Variants in TET3 observed in about 807,000 individuals in gnomAD.
The protein encoded by TET3 is methylcytosine dioxygenase TET3.
Under a neutral mutation model 141.4 loss-of-function variants are expected in TET3, and 19 were observed. The observed-to-expected ratio is 0.13, with a 90% CI of 0.09 to 0.20. TET3 has a LOEUF of 0.20. TET3 is among the 10% of genes least tolerant of loss of function. TET3 has a pLI of 1.00. For synonymous variants in TET3, 1,043 were observed against 980.9 expected, an observed-to-expected ratio of 1.06 and a Z score of -1.18; for missense variants, 1,874 against 2,356.9, an observed-to-expected ratio of 0.80 and a Z score of 4.24.
At chr2:74,036,879 G>C (rs1246618388) in intron 3 of TET3, among the ~76,000 whole-genome samples, 1 of 152,066 alleles carries the variant, frequency 6.6e-6, no homozygotes, top group Non-Finnish European at 1.5e-5. Context: ...GCCCATTTCA[G>C]CTTTTTTCTA....
At chr2:74,122,502 TA>T in the TET3 span, 1 of 81,876 alleles carries the variant, frequency 1.2e-5, no homozygotes, top group East Asian at 5.3e-4. Context: ...TATATATATA[TA>T]TATATATATT....
intron 6 of TET3, among the ~76,000 whole-genome samples, chr2:74,084,567 C>T (rs1018921596): frequency 3.9e-5 from 6 of 152,246 alleles, no homozygotes; most frequent in African/African-American, 1.4e-4. Context: ...ATTCTCCTGC[C>T]TCAGCCTCCC....
At chr2:74,084,594 A>G (rs964330753) in intron 6 of TET3, among the ~76,000 whole-genome samples, 1 of 152,074 alleles carries the variant, frequency 6.6e-6, no homozygotes, top group African/African-American at 2.4e-5. Context: ...CTGAGACTAC[A>G]GGTGCCCACC....
intron 4 of TET3, among the ~76,000 whole-genome samples, chr2:74,064,539 A>G (rs1688771195): frequency 6.6e-6 from 1 of 152,086 alleles, no homozygotes; most frequent in Non-Finnish European, 1.5e-5. Context: ...AGCTGGGACT[A>G]CAGGCGTGCG....
Position 74,092,634 on chromosome 2 carries a change from C to T in TET3, c.3040-268C>T, listed in dbSNP as rs538365170. Among the ~76,000 whole-genome samples, 12 of 152,242 alleles carry T rather than the reference C, an allele frequency of 7.9e-5. No homozygotes were observed. The South Asian group carries it at 2.1e-3, about 26-fold the overall frequency. ...TTGATATGTTCTGGGCTGAACTGGG[C>T]GGGAGCCTGAAGGAGCAGTAGTTTA... On this transcript the variant is annotated intron_variant, in intron 8 of 11. Coordinates refer to ENST00000409262, the MANE Select transcript of TET3 (RefSeq NM_001287491.2).
chr2:74,132,819 C>G, the TET3 span, among the ~76,000 whole-genome samples: 1 of 152,138 alleles, frequency 6.6e-6, no homozygotes, highest in East Asian at 1.9e-4. Context: ...AAGGGGAGAC[C>G]CAGTGGCACT....
intron 5 of TET3, among the ~76,000 whole-genome samples, chr2:74,077,019 C>T (rs191557183): frequency 9.3e-4 from 141 of 152,328 alleles, no homozygotes; most frequent in African/African-American, 2.7e-3. Context: ...TTGTCAAACT[C>T]GTATCTGAGA....
At chr2:74,004,585 C>T (rs957578148) in intron 3 of TET3, among the ~76,000 whole-genome samples, 1 of 152,128 alleles carries the variant, frequency 6.6e-6, no homozygotes, top group Admixed American at 6.5e-5. Context: ...GGAGAAGAGC[C>T]AGGGGGCATC....
intron 4 of TET3, among the ~76,000 whole-genome samples, chr2:74,053,397 CTT>C (rs1688053449): frequency 6.6e-6 from 1 of 152,172 alleles, no homozygotes; most frequent in African/African-American, 2.4e-5. Context: ...ATGCAAATGA[CTT>C]TTTAGTGGGA....
chr2:74,002,177 G>T (rs1684882483), intron 2 of TET3, among the ~76,000 whole-genome samples: 2 of 152,144 alleles, frequency 1.3e-5, no homozygotes, highest in African/African-American at 4.8e-5. Context: ...CATCACCTTG[G>T]GTAAGTTGTT....
chr2:74,045,024 A>T (rs1170561503), intron 3 of TET3, among the ~76,000 whole-genome samples: 1 of 152,238 alleles, frequency 6.6e-6, no homozygotes, highest in Admixed American at 6.5e-5. Flanking sequence ...TCTTCAAAAA[A>T]TTTCAAAGTC....
chr2:74,078,267 C>G (rs1163392965), intron 5 of TET3, among the ~76,000 whole-genome samples: 1 of 152,024 alleles, frequency 6.6e-6, no homozygotes, highest in Non-Finnish European at 1.5e-5. Flanking sequence ...CTTTAAAAGT[C>G]TAAAGAACGA....
At chr2:74,078,571 C>T (rs1157292722) in intron 5 of TET3, among the ~76,000 whole-genome samples, 2 of 152,066 alleles carry the variant, frequency 1.3e-5, no homozygotes, top group Non-Finnish European at 2.9e-5. Context: ...TCATGTTAGA[C>T]ATATAAGTTG....
intron 3 of TET3, among the ~76,000 whole-genome samples, chr2:74,028,157 T>TAAAA (rs1232162119): frequency 6.7e-6 from 1 of 150,176 alleles, no homozygotes; most frequent in African/African-American, 2.5e-5. Flanking sequence ...TGCCTAATTT[T>TAAAA]AAAAAAAAAA....
At chr2:74,124,809 T>A in the TET3 span, among the ~76,000 whole-genome samples, 1 of 152,008 alleles carries the variant, frequency 6.6e-6, no homozygotes, top group Non-Finnish European at 1.5e-5. Flanking sequence ...GGGTCCTCTG[T>A]CTAGGAAAAC....
At position 74,047,324 on chromosome 2, in the gene TET3, C is replaced by T. The variant is rs778429567; in HGVS notation, c.1407C>T (p.Ser469=). ...CTGAACTGGAGCAGTTGTTGGGCAGCGCCAGTGATTACATCCAGTCAGTAT... is the reference window on the plus strand; with the variant it reads ...CTGAACTGGAGCAGTTGTTGGGCAGTGCCAGTGATTACATCCAGTCAGTAT... ...PMAELEQLLG[S]ASDYIQSVFK... Residue 469 remains serine (S), a synonymous_variant, in exon 4 of 12, where the codon AGC becomes AGT. Coordinates refer to ENST00000409262, the MANE Select transcript of TET3 (RefSeq NM_001287491.2). 2.5e-5 allele frequency: 41 copies of T among 1,613,880 alleles called. No individual in the cohort carries two copies. Among genetic ancestry groups the T allele is most frequent in the Admixed American group, 2.3e-4 (14 of 60,014 alleles).
the TET3 span, among the ~76,000 whole-genome samples, chr2:74,128,964 A>G: frequency 7.5e-6 from 1 of 132,832 alleles, no homozygotes; most frequent in African/African-American, 3.0e-5. Context: ...TGCACTTCAG[A>G]CTGGTTGACA....
rs975539418 is a variant in TET3 at position 74,102,368 on chromosome 2, C to G, written c.*192C>G. The G allele has an allele frequency of 8.5e-6, 7 of 823,282 alleles. No individual in the cohort carries two copies. The highest frequency in any genetic ancestry group is 3.5e-5 in the African/African-American group (2 of 56,518). The allele number at this position is 823,282 out of a possible 1,614,324, so 51.0% of individuals were successfully genotyped here. On this transcript the variant is annotated 3_prime_UTR_variant, in exon 12 of 12. Transcript: ENST00000409262. ...AACTGACCCGCCCCTCCCTTACCCC[C>G]ACTTCCCCAGCACTTTGAAGAAGAA...
At chr2:74,048,905 C>T (rs2084229737) in intron 4 of TET3, among the ~76,000 whole-genome samples, 1 of 152,084 alleles carries the variant, frequency 6.6e-6, no homozygotes, top group Non-Finnish European at 1.5e-5. Flanking sequence ...TTGTGTAGGG[C>T]CCAGGGAGCC....
Sources: gnomAD v4.1 joint callset for allele counts (sites outside exome capture counted in the v4.1 genomes callset) on GRCh38, gnomAD v4.1.1 for gene constraint, MANE v1.5 for transcripts, NCBI Gene and HGNC (gene_info 2026-07-23, HGNC 2026-07-21) for gene names.